AP3D1: variants seen among roughly 807,000 people sequenced by gnomAD.
AP3D1 encodes the protein adaptor related protein complex 3 subunit delta 1, also known as AP-3 complex subunit delta-1.
Under a neutral mutation model 147.6 loss-of-function variants are expected in AP3D1, and 51 were observed. The ratio of observed to expected loss-of-function variants is 0.35; its 90% CI spans 0.28 to 0.44. AP3D1 has a LOEUF of 0.44. Among genes scored for constraint, AP3D1 ranks in the 20% least tolerant of loss-of-function variants. AP3D1 has a pLI of 1.00. For synonymous variants in AP3D1, 760 were observed against 663.0 expected (o/e 1.15, Z -2.25); for missense variants, 1,421 against 1,624.2 (o/e 0.87, Z 2.15).
intron 9 of AP3D1, 74 bp downstream of exon 9, chr19:2,127,078 G>T: frequency 6.6e-7 from 1 of 1,519,212 alleles, no homozygotes; most frequent in Non-Finnish European, 9.1e-7. Context: ...CAGGCCTGGC[G>T]CCCTCCTGTC....
intron 1 of AP3D1, among the ~76,000 whole-genome samples, chr19:2,150,141 G>A (rs1281427220): frequency 6.6e-6 from 1 of 152,222 alleles, no homozygotes; most frequent in Admixed American, 6.5e-5. Flanking sequence ...TGGGCTGAGG[G>A]ACATGGTGCC....
intron 1 of AP3D1, among the ~76,000 whole-genome samples, chr19:2,149,995 G>A (rs2019462379): frequency 6.6e-6 from 1 of 152,240 alleles, no homozygotes; most frequent in African/African-American, 2.4e-5. Flanking sequence ...GAAAACCAAG[G>A]AGGCCGAAGG....
upstream of AP3D1, among the ~76,000 whole-genome samples, chr19:2,154,684 G>T (rs2019631262): frequency 6.6e-6 from 1 of 152,194 alleles, no homozygotes; most frequent in South Asian, 2.1e-4. Context: ...ATCTGATTGG[G>T]AGCCCAAACA....
chr19:2,164,348 G>A (rs2019825560), intron 1 of AP3D1: 7 of 972,988 alleles, frequency 7.2e-6, no homozygotes, highest in Non-Finnish European at 9.2e-6. Flanking sequence ...CCCCCAAGCC[G>A]CGCTCACCGG....
intron 5 of AP3D1, among the ~76,000 whole-genome samples, chr19:2,132,203 A>G (rs2018969365): frequency 6.6e-6 from 1 of 152,148 alleles, no homozygotes; most frequent in Non-Finnish European, 1.5e-5. Context: ...CCTCAGGGCA[A>G]ACATCCCCCA....
At chr19:2,151,211 G>A (rs746348991) in intron 1 of AP3D1, 28 bp downstream of exon 1, 4 of 1,597,742 alleles carry the variant, frequency 2.5e-6, no homozygotes, top group Non-Finnish European at 3.4e-6. Context: ...TGACCAGGCC[G>A]AGCAGCCCCT....
Position 2,102,117 on chromosome 19 carries a change from G to T in AP3D1, c.*56C>A. 1 of 1,420,534 alleles carries T rather than the reference G, an allele frequency of 7.0e-7. No homozygotes were observed. Among genetic ancestry groups the T allele is most frequent in the Non-Finnish European group, 9.9e-7 (1 of 1,009,176 alleles). 88.0% of individuals were successfully genotyped at this position (1,420,534 alleles called of 1,614,324 possible). A position where few individuals can be genotyped will look rare whatever the true frequency, so the allele number is the denominator to read the frequency against. On this transcript the variant is annotated 3_prime_UTR_variant, in exon 32 of 32. Coordinates refer to ENST00000643116, the MANE Select transcript of AP3D1 (RefSeq NM_001261826.3). ...ACTGAGGAGAGGCGAGACACGTCAG[G>T]GCTGCGGTCCCTGGGTACGTGCTCC...
At position 2,130,409 on chromosome 19, in the gene AP3D1, G is replaced by C. The variant is rs75824211; in HGVS notation, c.591C>G (p.Pro197=). ...RLKEKLEDPD[P]GVQSAAVNVI... ...GAGGCTTAACTCAAATCCACAAACC[G>C]GGGTCGGGGTCCTCCAGCTTCTCCT... The change falls in exon 6 of 32, where the codon CCC becomes CCG. Residue 197 remains proline (P), a splice_region_variant and synonymous_variant. Transcript: ENST00000643116. 8 of 1,613,888 alleles carry C rather than the reference G, an allele frequency of 5.0e-6. No individual in the cohort carries two copies. Among genetic ancestry groups the C allele is most frequent in the East Asian group, 2.2e-5 (1 of 44,880 alleles).
At chr19:2,113,076 C>G (rs1250598668) in intron 23 of AP3D1, 109 bp from the exon 24 acceptor site, 3 of 771,174 alleles carry the variant, frequency 3.9e-6, no homozygotes, top group Non-Finnish European at 6.2e-6. Context: ...TCACGCCTGC[C>G]TGAGAGGCCA....
intron 5 of AP3D1, among the ~76,000 whole-genome samples, chr19:2,131,940 C>A (rs1416616089): frequency 1.3e-5 from 2 of 152,244 alleles, no homozygotes; most frequent in Non-Finnish European, 2.9e-5. Context: ...CCGCTCCACA[C>A]TGTTAATCTG....
chr19:2,120,640 CGAGGGCA>C (rs2018582750), intron 14 of AP3D1, among the ~76,000 whole-genome samples: 1 of 152,152 alleles, frequency 6.6e-6, no homozygotes, highest in African/African-American at 2.4e-5. Flanking sequence ...CACAGATGCC[CGAGGGCA>C]GAGGGCAGAC....
intron 23 of AP3D1, 86 bp from the exon 24 acceptor site, chr19:2,113,053 C>G (rs2018331958): frequency 2.1e-6 from 2 of 963,936 alleles, no homozygotes; most frequent in Non-Finnish European, 3.1e-6. Flanking sequence ...TGCCACACAC[C>G]CTCAGCTTGC....
chr19:2,144,213 C>A (rs2019298878), intron 1 of AP3D1, among the ~76,000 whole-genome samples: 1 of 152,176 alleles, frequency 6.6e-6, no homozygotes, highest in South Asian at 2.1e-4. Context: ...CGAATTCAAA[C>A]AGAAAAGCCA....
intron 14 of AP3D1, 149 bp from the exon 15 acceptor site, chr19:2,118,981 G>A (rs546818615): frequency 3.6e-5 from 25 of 692,424 alleles, no homozygotes; most frequent in East Asian, 2.7e-4. Context: ...GCTGAGACAC[G>A]AAGTAGAAGA....
chr19:2,153,426 A>C (rs913647056), upstream of AP3D1, among the ~76,000 whole-genome samples: 23 of 151,838 alleles, frequency 1.5e-4, no homozygotes, highest in Admixed American at 5.9e-4. Context: ...CTATAACCCC[A>C]GCACTTCGGG....
intron 1 of AP3D1, among the ~76,000 whole-genome samples, chr19:2,160,444 G>T (rs779718351): frequency 2.0e-5 from 3 of 152,134 alleles, no homozygotes; most frequent in South Asian, 4.1e-4. Flanking sequence ...CAGGAGAATC[G>T]AATCGCTTGA....
intron 4 of AP3D1, among the ~76,000 whole-genome samples, chr19:2,136,034 C>T (rs1301566177): frequency 6.6e-6 from 1 of 151,626 alleles, no homozygotes; most frequent in African/African-American, 2.4e-5. Context: ...CAAGAAGACT[C>T]CCGCCCAGGC....
At chr19:2,131,767 C>T (rs373592407) in intron 5 of AP3D1, among the ~76,000 whole-genome samples, 1 of 122,870 alleles carries the variant, frequency 8.1e-6, no homozygotes, top group Admixed American at 8.0e-5. Context: ...CACCTCCGGG[C>T]GGACAGGCAG....
At chr19:2,109,418 G>A in intron 29 of AP3D1, 2 of 604,498 alleles carry the variant, frequency 3.3e-6, no homozygotes, top group East Asian at 3.1e-5. Flanking sequence ...TCTTTAAAGA[G>A]GTCACAGAGG....
Sources: allele counts gnomAD v4.1 joint callset (sites outside exome capture counted in the v4.1 genomes callset), GRCh38; gene constraint gnomAD v4.1.1; transcripts MANE v1.5; gene names NCBI Gene and HGNC (gene_info 2026-07-23, HGNC 2026-07-21).